DLG2: variants seen among roughly 807,000 people sequenced by gnomAD.
The protein encoded by DLG2 is disks large homolog 2.
In DLG2, 45 loss-of-function variants were observed where a neutral mutation model predicts 132.5. The observed-to-expected ratio is 0.34, with a 90% CI of 0.27 to 0.44. DLG2 has a LOEUF of 0.44. Among genes scored for constraint, DLG2 ranks in the 20% least tolerant of loss-of-function variants. The pLI is 1.00. For missense variants in DLG2, 1,045 were observed against 1,196.9 expected (o/e 0.87, Z 1.87); for synonymous variants, 424 against 419.6 (o/e 1.01, Z -0.13).
intron 6 of DLG2, among the ~76,000 whole-genome samples, chr11:84,596,645 G>A (rs1396162585): frequency 1.3e-5 from 2 of 152,094 alleles, no homozygotes; most frequent in Admixed American, 6.6e-5. Flanking sequence ...TTGAGAGGGT[G>A]TATGTAGTCA....
intron 7 of DLG2, among the ~76,000 whole-genome samples, chr11:84,354,797 T>C (rs1006305465): frequency 6.6e-6 from 1 of 152,104 alleles, no homozygotes; most frequent in African/African-American, 2.4e-5. Context: ...TTGACTAGGT[T>C]GTCAATACTT....
chr11:83,671,491 T>A (rs1227472364), intron 18 of DLG2, among the ~76,000 whole-genome samples: 1 of 152,202 alleles, frequency 6.6e-6, no homozygotes, highest in Non-Finnish European at 1.5e-5. Flanking sequence ...GAGCTCCCTC[T>A]GGTGATAAGA....
chr11:83,531,585 G>A (rs999522043), intron 21 of DLG2, among the ~76,000 whole-genome samples: 58 of 151,952 alleles, frequency 3.8e-4, no homozygotes, highest in Admixed American at 2.0e-4. Flanking sequence ...AAAACAGCCT[G>A]TCAGTTCCTC....
At chr11:85,042,355 G>T (rs974377429) in intron 6 of DLG2, among the ~76,000 whole-genome samples, 1 of 151,942 alleles carries the variant, frequency 6.6e-6, no homozygotes, top group Admixed American at 6.6e-5. Context: ...TGTTTTAAAA[G>T]TTGCTAATAT....
chr11:83,616,537 A>G (rs556386955), intron 19 of DLG2, among the ~76,000 whole-genome samples: 5 of 152,164 alleles, frequency 3.3e-5, no homozygotes, highest in East Asian at 3.9e-4. Context: ...TGCTCTTTAC[A>G]TATTCTGAAG....
At chr11:85,080,981 A>G (rs925850144) in intron 6 of DLG2, among the ~76,000 whole-genome samples, 1 of 152,176 alleles carries the variant, frequency 6.6e-6, no homozygotes, top group Non-Finnish European at 1.5e-5. Flanking sequence ...ACATTATATA[A>G]TAATAATTTG....
intron 6 of DLG2, among the ~76,000 whole-genome samples, chr11:84,674,665 C>T (rs1188889333): frequency 6.6e-6 from 1 of 152,104 alleles, no homozygotes; most frequent in Non-Finnish European, 1.5e-5. Flanking sequence ...AGGAATAATA[C>T]AAATTTATTT....
chr11:83,710,362 A>G (rs1212117964), intron 18 of DLG2, among the ~76,000 whole-genome samples: 3 of 152,072 alleles, frequency 2.0e-5, no homozygotes, highest in African/African-American at 7.2e-5. Context: ...GGGTTTCACT[A>G]CATTGGCCAG....
At chr11:85,111,831 T>A in intron 5 of DLG2, 96 bp from the exon 6 acceptor site, 1 of 887,428 alleles carries the variant, frequency 1.1e-6, no homozygotes, top group Non-Finnish European at 1.7e-6. Context: ...GTTTATTACC[T>A]TATTTATAAT....
intron 6 of DLG2, among the ~76,000 whole-genome samples, chr11:84,811,339 T>C (rs1450015948): frequency 1.3e-5 from 2 of 152,220 alleles, no homozygotes; most frequent in Middle Eastern, 3.4e-3. Flanking sequence ...CTTCCAATGC[T>C]AGCCCTGCTG....
rs141547170 is a variant in DLG2, at chr11:83,483,668, G to T, written c.2293+461C>A. Among the ~76,000 whole-genome samples the T allele has an allele frequency of 2.7e-3, 408 of 152,252 alleles. 6 individuals are homozygous for T. The highest frequency in any genetic ancestry group is 9.3e-3 in the African/African-American group (385 of 41,552). On this transcript the variant is annotated intron_variant, in intron 22 of 27. Coordinates refer to ENST00000376104, the MANE Select transcript of DLG2 (RefSeq NM_001142699.3). ...TGATATCCACCATTACAAGCTCAGTGCTCAGAAAGTGTTTAGTGTTTTGGG... is the reference window on the plus strand; with the variant it reads ...TGATATCCACCATTACAAGCTCAGTTCTCAGAAAGTGTTTAGTGTTTTGGG...
intron 14 of DLG2, among the ~76,000 whole-genome samples, chr11:83,949,268 T>A (rs578005757): frequency 6.6e-6 from 1 of 152,238 alleles, no homozygotes; most frequent in African/African-American, 2.4e-5. Context: ...CAATAAATGG[T>A]GTTCCTTTCC....
intron 6 of DLG2, among the ~76,000 whole-genome samples, chr11:84,633,405 C>T (rs2099635432): frequency 6.6e-6 from 1 of 151,972 alleles, no homozygotes; most frequent in Admixed American, 6.6e-5. Flanking sequence ...CTCTTCTCAC[C>T]CACCCCCTAC....
At chr11:85,005,454 G>T (rs537445805) in intron 6 of DLG2, among the ~76,000 whole-genome samples, 1 of 152,254 alleles carries the variant, frequency 6.6e-6, no homozygotes, top group South Asian at 2.1e-4. Flanking sequence ...TCCCTTGTAA[G>T]TTGGATTCCT....
intron 7 of DLG2, among the ~76,000 whole-genome samples, chr11:84,427,772 C>T (rs2098971776): frequency 2.6e-5 from 4 of 152,154 alleles, no homozygotes. Flanking sequence ...TCTGTCAAAT[C>T]ACATAGATCT....
At chr11:85,189,806 T>G (rs1390072432) in intron 4 of DLG2, among the ~76,000 whole-genome samples, 2 of 152,138 alleles carry the variant, frequency 1.3e-5, no homozygotes, top group Non-Finnish European at 2.9e-5. Context: ...AATGTATTTT[T>G]TTTTTCTTAG....
rs527537861 is a variant in DLG2, at chr11:83,932,845, T to C, written c.1341-2362A>G. 2.6e-5 allele frequency among the ~76,000 whole-genome samples: 4 copies of C among 152,256 alleles called. No homozygotes were observed. In the South Asian group the frequency reaches 8.3e-4, roughly 32 times the overall value. ...TATACCAGAAGAACCAGAATCCCAATGTTATCATGAACTGAGTGGCTTTAA... is the reference window on the plus strand; with the variant it reads ...TATACCAGAAGAACCAGAATCCCAACGTTATCATGAACTGAGTGGCTTTAA... On this transcript the variant is annotated intron_variant, in intron 14 of 27. Coordinates refer to ENST00000376104, the MANE Select transcript of DLG2 (RefSeq NM_001142699.3).
chr11:84,411,078 A>G (rs1381845845), intron 7 of DLG2, among the ~76,000 whole-genome samples: 1 of 152,184 alleles, frequency 6.6e-6, no homozygotes, highest in African/African-American at 2.4e-5. Flanking sequence ...TATGCAGTGA[A>G]AAGGCAGAAC....
At chr11:85,023,658 T>C (rs954040073) in intron 6 of DLG2, among the ~76,000 whole-genome samples, 2 of 152,050 alleles carry the variant, frequency 1.3e-5, no homozygotes, top group Non-Finnish European at 2.9e-5. Context: ...AACTGTGTAA[T>C]AGAAGTATAT....
Sources: gnomAD v4.1 joint callset for allele counts (sites outside exome capture counted in the v4.1 genomes callset) on GRCh38, gnomAD v4.1.1 for gene constraint, MANE v1.5 for transcripts, NCBI Gene and HGNC (gene_info 2026-07-23, HGNC 2026-07-21) for gene names.